BTAF1: variants seen among roughly 807,000 people sequenced by gnomAD.
BTAF1 encodes B-TFIID TATA-box binding protein associated factor 1.
Under a neutral mutation model 227.1 loss-of-function variants are expected in BTAF1, and 38 were observed. That is an observed-to-expected ratio of 0.17 (90% confidence interval 0.13 to 0.22). BTAF1 has a LOEUF of 0.22. Ranked by LOEUF, BTAF1 falls within the 10% of genes least tolerant of loss-of-function variation. The pLI, the probability that BTAF1 is intolerant of heterozygous loss-of-function variation, is 1.00. For synonymous variants in BTAF1, 742 were observed against 751.9 expected (o/e 0.99, Z 0.21); for missense variants, 1,598 against 2,204.0 (o/e 0.73, Z 5.51).
chr10:91,970,756 G>T (rs1174657324), intron 14 of BTAF1, among the ~76,000 whole-genome samples: 1 of 152,148 alleles, frequency 6.6e-6, no homozygotes, highest in Non-Finnish European at 1.5e-5. Flanking sequence ...ATATTACATG[G>T]TAAGTTTAAT....
intron 34 of BTAF1, among the ~76,000 whole-genome samples, chr10:92,021,529 T>C (rs1454159248): frequency 2.0e-5 from 3 of 151,874 alleles, no homozygotes; most frequent in South Asian, 4.2e-4. Flanking sequence ...AGAACAAATA[T>C]TGAGTTGTTT....
At position 91,962,757 on chromosome 10, in the gene BTAF1, G is replaced by A. The variant is rs1384366677; in HGVS notation, c.1404+79G>A. Reference sequence around the variant, plus strand: ...TATGGAGTATTAGAAAATACATTGTGTACATTTTTCTCCTTCATCTTCAAT... The same window carrying A: ...TATGGAGTATTAGAAAATACATTGTATACATTTTTCTCCTTCATCTTCAAT... On this transcript the variant is annotated intron_variant, in intron 12 of 37. Coordinates refer to ENST00000265990, the MANE Select transcript of BTAF1 (RefSeq NM_003972.3). 19 of 1,312,468 alleles carry A rather than the reference G, an allele frequency of 1.4e-5. No individual in the cohort carries two copies. The East Asian group carries it at 2.8e-4, about 20-fold the overall frequency. The allele number at this position is 1,312,468 out of a possible 1,614,324, so 81.3% of individuals were successfully genotyped here. A position where few individuals can be genotyped will look rare whatever the true frequency, so the allele number is the denominator to read the frequency against.
chr10:91,923,803 G>T lies in BTAF1; in HGVS notation c.-274G>T. Reference sequence around the variant, plus strand: ...GTGCCGACGCCCGCGTCAGCAAAGAGCGGAGCTGAGGGTACCCGGTTTGAA... The same window carrying T: ...GTGCCGACGCCCGCGTCAGCAAAGATCGGAGCTGAGGGTACCCGGTTTGAA... On this transcript the variant is annotated 5_prime_UTR_variant, in exon 1 of 38. Coordinates refer to ENST00000265990, the MANE Select transcript of BTAF1 (RefSeq NM_003972.3). 1 of 405,608 alleles carries T rather than the reference G, an allele frequency of 2.5e-6. No individual in the cohort carries two copies. The highest frequency in any genetic ancestry group is 3.7e-5 in the East Asian group (1 of 27,180). 25.1% of individuals were successfully genotyped at this position (405,608 alleles called of 1,614,324 possible).
rs1850536376 is a variant in BTAF1, at chr10:92,013,991, A to G, written c.4546A>G (p.Ile1516Val). The G allele has an allele frequency of 6.2e-7, 1 of 1,613,582 alleles. No individual in the cohort carries two copies. The highest frequency in any genetic ancestry group is 8.5e-7 in the Non-Finnish European group (1 of 1,179,900). Residue 1516 changes from isoleucine (I) to valine (V), a missense_variant, in exon 32 of 38, where the codon ATT becomes GTT. Physicochemically the swap from Ile to Val is conservative, Grantham distance 29. Coordinates refer to ENST00000265990, the MANE Select transcript of BTAF1 (RefSeq NM_003972.3). ...TGTTTTGCAGGATCTTCCACCTAAA[A>G]TTATTCAAGACTATTATTGTACTCT... ...EDVLQDLPPK[I>V]IQDYYCTLSP...
chr10:91,928,954 A>G (rs1471062800), intron 1 of BTAF1, among the ~76,000 whole-genome samples: 1 of 151,994 alleles, frequency 6.6e-6, no homozygotes, highest in Non-Finnish European at 1.5e-5. Context: ...AGGACCACAG[A>G]TGCATACCAC....
chr10:91,927,437 C>A lies in BTAF1; in HGVS notation c.14+3347C>A, dbSNP rs186088871. 2.0e-3 allele frequency among the ~76,000 whole-genome samples: 311 copies of A among 152,282 alleles called. 1 individual carries two copies. Among genetic ancestry groups the A allele is most frequent in the East Asian group, 4.2e-3 (22 of 5,188 alleles). ...TATTACCTTGTTCAGGACATTTTCT[C>A]TGGTTTTACTTCATCTGAGCTATTT... On this transcript the variant is annotated intron_variant, in intron 1 of 37. Transcript: ENST00000265990.
At chr10:92,017,626 C>T (rs1400425818) in intron 33 of BTAF1, among the ~76,000 whole-genome samples, 1 of 151,944 alleles carries the variant, frequency 6.6e-6, no homozygotes, top group East Asian at 1.9e-4. Flanking sequence ...TCCTCAGCCT[C>T]AGCTTCCTAA....
intron 34 of BTAF1, among the ~76,000 whole-genome samples, chr10:92,024,303 C>A (rs915662681): frequency 1.3e-5 from 2 of 152,126 alleles, no homozygotes; most frequent in Admixed American, 1.3e-4. Context: ...AGTTTGTCTG[C>A]GGCATCTTCT....
At chr10:91,997,125 AAC>A in intron 24 of BTAF1, 2 of 1,282,746 alleles carry the variant, frequency 1.6e-6, no homozygotes, top group Non-Finnish European at 2.0e-6. Context: ...AATCAGTAGA[AAC>A]TCTGGTTCAA....
At chr10:91,926,646 C>T (rs922955249) in intron 1 of BTAF1, among the ~76,000 whole-genome samples, 6 of 152,172 alleles carry the variant, frequency 3.9e-5, no homozygotes, top group African/African-American at 1.4e-4. Context: ...CACACTCAAC[C>T]CTAGGAAAGG....
intron 25 of BTAF1, among the ~76,000 whole-genome samples, chr10:91,999,637 C>T (rs984497104): frequency 2.0e-5 from 3 of 152,198 alleles, no homozygotes; most frequent in Non-Finnish European, 2.9e-5. Context: ...AGGTGATCCT[C>T]CCGCCTTGGC....
chr10:91,944,803 G>A (rs1280138365), intron 4 of BTAF1, among the ~76,000 whole-genome samples: 1 of 151,932 alleles, frequency 6.6e-6, no homozygotes, highest in African/African-American at 2.4e-5. Flanking sequence ...TTTATATTTG[G>A]TCACATACCA....
intron 2 of BTAF1, among the ~76,000 whole-genome samples, chr10:91,938,506 C>T (rs1056827599): frequency 6.6e-6 from 1 of 152,242 alleles, no homozygotes. Flanking sequence ...ATCCCACCAC[C>T]GTTTGTTGAA....
intron 4 of BTAF1, among the ~76,000 whole-genome samples, chr10:91,947,521 G>A (rs1238697993): frequency 1.3e-5 from 2 of 152,048 alleles, no homozygotes; most frequent in Non-Finnish European, 2.9e-5. Flanking sequence ...TTGACCATCA[G>A]ACACATAGGT....
chr10:91,928,751 A>G (rs1014424347), intron 1 of BTAF1, among the ~76,000 whole-genome samples: 10 of 121,644 alleles, frequency 8.2e-5, no homozygotes, highest in Admixed American at 7.0e-4. Context: ...GCAACAGAGC[A>G]AGAATCCATC....
Position 92,031,135 on chromosome 10 carries a change from T to C in BTAF1, c.*2202T>C, listed in dbSNP as rs968651635. Among the ~76,000 whole-genome samples, 1 of 152,168 alleles carries C rather than the reference T, an allele frequency of 6.6e-6. No individual in the cohort carries two copies. Among genetic ancestry groups the C allele is most frequent in the Admixed American group, 6.6e-5 (1 of 15,266 alleles). On this transcript the variant is annotated 3_prime_UTR_variant, in exon 38 of 38. Coordinates refer to ENST00000265990, the MANE Select transcript of BTAF1 (RefSeq NM_003972.3). ...ACTACTTCCCTTGGTTTTTGTGTCT[T>C]TATGATAGGAAATAGCAAACTGTTA...
At chr10:91,958,882 G>A (rs953390896) in intron 8 of BTAF1, among the ~76,000 whole-genome samples, 183 bp from the exon 9 acceptor site, 2 of 152,116 alleles carry the variant, frequency 1.3e-5, no homozygotes, top group Non-Finnish European at 2.9e-5. Flanking sequence ...ATAACCAAAA[G>A]CAGTCTGAAA....
Position 91,984,369 on chromosome 10 carries a change from A to G in BTAF1, c.2392A>G (p.Asn798Asp). 7 of 1,612,604 alleles carry G rather than the reference A, an allele frequency of 4.3e-6. No individual in the cohort carries two copies. Among genetic ancestry groups the G allele is most frequent in the Non-Finnish European group, 5.9e-6 (7 of 1,179,488 alleles). ...TATTGAAGTTGGTAATCGAGTAAAC[A>G]ACAATGTTTTAACAATAGATCAAGC... ...VHIEVGNRVNNNVLTIDQASD... is the reference protein window; with the variant it reads ...VHIEVGNRVNDNVLTIDQASD... The change falls in exon 19 of 38, where the codon AAC (asparagine) becomes GAC (aspartate). Residue 798 changes from asparagine to aspartate, a missense_variant. Asn to Asp is a conservative substitution (Grantham distance 23, BLOSUM62 1). This residue lies in a region of BTAF1 where 318 missense variants were observed against 435.0 expected (regional missense o/e 0.73). Coordinates refer to ENST00000265990, the MANE Select transcript of BTAF1 (RefSeq NM_003972.3).
At chr10:91,930,829 T>C (rs1844227756) in intron 1 of BTAF1, among the ~76,000 whole-genome samples, 1 of 152,192 alleles carries the variant, frequency 6.6e-6, no homozygotes, top group African/African-American at 2.4e-5. Flanking sequence ...GTGTAAAAAA[T>C]GTATAACTAA....
Sources: allele counts gnomAD v4.1 joint callset (sites outside exome capture counted in the v4.1 genomes callset), GRCh38; gene constraint gnomAD v4.1.1; regional missense constraint gnomAD v4.1.1; transcripts MANE v1.5; gene names NCBI Gene and HGNC (gene_info 2026-07-23, HGNC 2026-07-21).